Variants in LHFPL3 observed in about 807,000 individuals in gnomAD.
LHFPL3 encodes LHFPL tetraspan subfamily member 3 protein.
A neutral mutation model predicts 19.3 loss-of-function variants in LHFPL3; 5 were observed. The ratio of observed to expected loss-of-function variants is 0.26; its 90% confidence interval spans 0.14 to 0.54. The LOEUF is 0.54. Ranked by LOEUF, LHFPL3 falls within the 20% of genes least tolerant of loss-of-function variation. The pLI is 0.94. For missense variants in LHFPL3, 249 were observed against 307.4 expected (o/e 0.81, Z 1.42); for synonymous variants, 133 against 126.2 (o/e 1.05, Z -0.36).
At chr7:104,729,424 G>A (rs895116508) in intron 1 of LHFPL3, among the ~76,000 whole-genome samples, 9 of 152,010 alleles carry the variant, frequency 5.9e-5, no homozygotes, top group African/African-American at 1.9e-4. Flanking sequence ...ATATAATGTT[G>A]TTAACTAATA....
intron 2 of LHFPL3, among the ~76,000 whole-genome samples, chr7:104,769,401 T>C (rs1794510933): frequency 6.6e-6 from 1 of 152,220 alleles, no homozygotes; most frequent in Non-Finnish European, 1.5e-5. Context: ...ATCTATTAAG[T>C]TGAACCAGAG....
chr7:104,559,891 G>C (rs2115941964), intron 1 of LHFPL3, among the ~76,000 whole-genome samples: 1 of 115,508 alleles, frequency 8.7e-6, no homozygotes, highest in Middle Eastern at 4.1e-3. Context: ...TTAGCATGAA[G>C]GTTGTTGAAT....
chr7:104,622,816 T>C (rs1049812198), intron 1 of LHFPL3, among the ~76,000 whole-genome samples: 1 of 152,212 alleles, frequency 6.6e-6, no homozygotes, highest in Non-Finnish European at 1.5e-5. Context: ...TTCTTGTGGG[T>C]ATATACCTAG....
At chr7:104,836,309 T>C (rs1427321228) in intron 2 of LHFPL3, among the ~76,000 whole-genome samples, 1 of 152,138 alleles carries the variant, frequency 6.6e-6, no homozygotes, top group Non-Finnish European at 1.5e-5. Context: ...ACTCTAACTG[T>C]GATGGGAGCC....
intron 1 of LHFPL3, among the ~76,000 whole-genome samples, chr7:104,680,462 C>G (rs950583831): frequency 6.6e-6 from 1 of 152,144 alleles, no homozygotes; most frequent in Non-Finnish European, 1.5e-5. Context: ...GTGACATGAG[C>G]AAGTGCTCTG....
chr7:104,671,378 C>T (rs981661537), intron 1 of LHFPL3, among the ~76,000 whole-genome samples: 4 of 151,842 alleles, frequency 2.6e-5, no homozygotes, highest in African/African-American at 7.3e-5. Context: ...TACCTTGTCC[C>T]CCCCATTAAA....
chr7:104,691,861 G>C (rs1213546138), intron 1 of LHFPL3, among the ~76,000 whole-genome samples: 1 of 152,230 alleles, frequency 6.6e-6, no homozygotes, highest in Non-Finnish European at 1.5e-5. Context: ...TCAGAAGATA[G>C]AGAAATGTGG....
At chr7:104,528,194 G>A (rs1794226825) in intron 1 of LHFPL3, among the ~76,000 whole-genome samples, 1 of 152,192 alleles carries the variant, frequency 6.6e-6, no homozygotes, top group Non-Finnish European at 1.5e-5. Context: ...CAAAGGGATT[G>A]TTGTTTTCCT....
intron 1 of LHFPL3, among the ~76,000 whole-genome samples, chr7:104,596,669 C>G (rs780257592): frequency 5.9e-5 from 9 of 152,182 alleles, no homozygotes; most frequent in African/African-American, 2.2e-4. Context: ...GTCATACCTG[C>G]CTTGGTAGTC....
At chr7:104,731,646 A>G (rs1362043637) in intron 1 of LHFPL3, among the ~76,000 whole-genome samples, 1 of 151,656 alleles carries the variant, frequency 6.6e-6, no homozygotes, top group African/African-American at 2.4e-5. Flanking sequence ...GGTTTTCTAG[A>G]TATACAATCA....
rs181035155 is a variant in LHFPL3 at position 104,527,343 on chromosome 7, C to T, written c.445+198119C>T. ...AGATCGCCCAGGTTTCTTTGTGCGG[C>T]AGGGATGATGTGGCCCAAGTAGGAG... On this transcript the variant is annotated intron_variant, in intron 1 of 2. Transcript: ENST00000424859. Among the ~76,000 whole-genome samples, 39 of 152,112 alleles carry T rather than the reference C, an allele frequency of 2.6e-4. No individual in the cohort carries two copies. In the Middle Eastern group the frequency reaches 0.01, roughly 40 times the overall value.
chr7:104,559,514 T>A (rs1789937957), intron 1 of LHFPL3, among the ~76,000 whole-genome samples: 1 of 150,386 alleles, frequency 6.6e-6, no homozygotes, highest in African/African-American at 2.5e-5. Context: ...TGCTTGTGAT[T>A]TTTGTACATT....
chr7:104,423,515 A>T (rs1791775330), intron 1 of LHFPL3, among the ~76,000 whole-genome samples: 1 of 152,150 alleles, frequency 6.6e-6, no homozygotes, highest in South Asian at 2.1e-4. Flanking sequence ...TCCTGATCAC[A>T]GAATTTCTCA....
At chr7:104,335,856 G>GAAA (rs11399914) in intron 1 of LHFPL3, among the ~76,000 whole-genome samples, 1,819 of 134,718 alleles carry the variant, frequency 0.014, 19 homozygotes, top group Middle Eastern at 0.022. Flanking sequence ...GGAGTAAAAT[G>GAAA]AAAAAAAAAA....
chr7:104,871,804 A>G (rs1180826533), intron 2 of LHFPL3, among the ~76,000 whole-genome samples: 2 of 151,878 alleles, frequency 1.3e-5, no homozygotes, highest in African/African-American at 4.8e-5. Flanking sequence ...GATTACAGGC[A>G]TATGCCACCA....
At chr7:104,847,185 G>T (rs1041178464) in intron 2 of LHFPL3, among the ~76,000 whole-genome samples, 1 of 152,188 alleles carries the variant, frequency 6.6e-6, no homozygotes, top group Non-Finnish European at 1.5e-5. Context: ...TATCCAGCTG[G>T]TATGTACTTC....
At chr7:104,619,747 T>C (rs2115795431) in intron 1 of LHFPL3, among the ~76,000 whole-genome samples, 1 of 152,346 alleles carries the variant, frequency 6.6e-6, no homozygotes, top group South Asian at 2.1e-4. Context: ...GTTTATAGTC[T>C]TCTTGGAGAA....
At chr7:104,718,862 C>T (rs1486840562) in intron 1 of LHFPL3, among the ~76,000 whole-genome samples, 1 of 152,118 alleles carries the variant, frequency 6.6e-6, no homozygotes, top group Non-Finnish European at 1.5e-5. Context: ...GAACTGCTAG[C>T]AGGATAACCA....
intron 2 of LHFPL3, among the ~76,000 whole-genome samples, chr7:104,749,547 C>T (rs988551239): frequency 2.6e-4 from 39 of 152,258 alleles, no homozygotes; most frequent in African/African-American, 9.2e-4. Flanking sequence ...TCCTTTAGAT[C>T]AATTATAATT....
Sources: allele counts gnomAD v4.1 joint callset (sites outside exome capture counted in the v4.1 genomes callset), GRCh38; gene constraint gnomAD v4.1.1; transcripts MANE v1.5; gene names NCBI Gene and HGNC (gene_info 2026-07-23, HGNC 2026-07-21).